The following SYT2 variants were observed in gnomAD, a reference collection of about 807,000 sequenced individuals.
SYT2 encodes synaptotagmin 2, also known as synaptotagmin-2.
Under a neutral mutation model 39.9 loss-of-function variants are expected in SYT2, and 15 were observed. The observed-to-expected ratio is 0.38, with a 90% CI of 0.25 to 0.58. SYT2 has a LOEUF of 0.58. Ranked by LOEUF, SYT2 falls within the 20% of genes least tolerant of loss-of-function variation. The probability of loss-of-function intolerance (pLI) is 0.70; values close to 1 mark genes in which losing one functional copy is unlikely to be tolerated. For missense variants in SYT2, 389 were observed against 530.3 expected, an observed-to-expected ratio of 0.73 and a Z score of 2.62; for synonymous variants, 181 against 204.5, an observed-to-expected ratio of 0.89 and a Z score of 0.98.
chr1:202,639,597 C>T (rs1691844016), intron 1 of SYT2: 1 of 985,472 alleles, frequency 1.0e-6, no homozygotes, highest in Non-Finnish European at 1.2e-6. Flanking sequence ...CATCTCACAG[C>T]CTTTCCTCAT....
At chr1:202,652,910 C>T (rs1692217437) in intron 1 of SYT2, among the ~76,000 whole-genome samples, 1 of 152,174 alleles carries the variant, frequency 6.6e-6, no homozygotes, top group Non-Finnish European at 1.5e-5. Context: ...AGCACAGTGC[C>T]TAGAGCCTGA....
In SYT2 at chr1:202,600,366, C is replaced by T. The variant is rs1412680209; in HGVS notation, c.910G>A (p.Gly304Ser). 3.1e-6 allele frequency: 5 copies of T among 1,614,046 alleles called. No individual in the cohort carries two copies. The highest frequency in any genetic ancestry group is 1.3e-5 in the African/African-American group (1 of 75,046). The change falls in exon 7 of 9, where the codon GGC (glycine) becomes AGC (serine). Residue 304 changes from glycine (G) to serine (S), a missense_variant. Around this residue, in one of 4 missense-constraint regions of SYT2, gnomAD observed 21 missense variants for 47.0 expected, o/e 0.45. Transcript: ENST00000367268. ...AKNLKKMDVGGLSDPYVKIHL... is the reference protein window; with the variant it reads ...AKNLKKMDVGSLSDPYVKIHL... ...GAAGCTCTCCACGTACCTGAAAGGCCGCCCACGTCCATCTTCTTGAGGTTC... is the reference window on the plus strand; with the variant it reads ...GAAGCTCTCCACGTACCTGAAAGGCTGCCCACGTCCATCTTCTTGAGGTTC...
chr1:202,709,273 AG>A (rs1359345801), intron 1 of SYT2, among the ~76,000 whole-genome samples: 2 of 152,210 alleles, frequency 1.3e-5, no homozygotes, highest in African/African-American at 2.4e-5. Flanking sequence ...CACCTCAGCC[AG>A]GGGTAAGGGA....
chr1:202,685,038 C>T (rs1653627352), intron 1 of SYT2, among the ~76,000 whole-genome samples: 1 of 152,128 alleles, frequency 6.6e-6, no homozygotes, highest in South Asian at 2.1e-4. Flanking sequence ...CAGAGGAGGA[C>T]ATGGAAGCCG....
intron 1 of SYT2, among the ~76,000 whole-genome samples, chr1:202,622,213 T>C (rs888312869): frequency 1.3e-5 from 2 of 152,250 alleles, no homozygotes. Flanking sequence ...TATATGTCTT[T>C]ATGTTTTGCA....
At chr1:202,673,607 G>C (rs968839817) in intron 1 of SYT2, among the ~76,000 whole-genome samples, 6 of 152,150 alleles carry the variant, frequency 3.9e-5, no homozygotes, top group Non-Finnish European at 4.4e-5. Flanking sequence ...CATTACCCAG[G>C]GAATGAGGCC....
rs1200488657 is a variant in SYT2, at chr1:202,623,950, C to T, written c.-17-18161G>A. Among the ~76,000 whole-genome samples the T allele has an allele frequency of 6.6e-6, 1 of 152,234 alleles. No homozygotes were observed. ...CTTCCAGCACAGTCCCGATATCTTTCATGCCAGATGCACATCTTCAATTTC... is the reference window on the plus strand; with the variant it reads ...CTTCCAGCACAGTCCCGATATCTTTTATGCCAGATGCACATCTTCAATTTC... On this transcript the variant is annotated intron_variant, in intron 1 of 8. Transcript: ENST00000367268. This position sits in a 1 kb window ranked among gnomAD's most constrained non-coding sequence, Gnocchi z 4.2.
chr1:202,610,796 A>G (rs1690864701), intron 1 of SYT2, among the ~76,000 whole-genome samples: 1 of 152,098 alleles, frequency 6.6e-6, no homozygotes. Flanking sequence ...AAGGAGAACT[A>G]CAAACCACTG....
In SYT2 at chr1:202,604,502, T is replaced by G. The variant is rs1429105789; in HGVS notation, c.298A>C (p.Lys100Gln). 1.2e-6 allele frequency: 2 copies of G among 1,614,244 alleles called. No homozygotes were observed. Among genetic ancestry groups the G allele is most frequent in the East Asian group, 2.2e-5 (1 of 44,884 alleles). The change falls in exon 3 of 9, where the codon AAA (lysine) becomes CAA (glutamine). Residue 100 changes from lysine (K) to glutamine (Q), a missense_variant. Lys to Gln is a moderately conservative substitution (Grantham distance 53). Coordinates refer to ENST00000367268, the MANE Select transcript of SYT2 (RefSeq NM_177402.5). ...KKKKNKKEKG[K>Q]GMKNAMNMKD... ...ATGTTCATGGCATTCTTCATGCCTTTGCCCTTCTCCTTCTTGTTCTTCTTC... is the reference window on the plus strand; with the variant it reads ...ATGTTCATGGCATTCTTCATGCCTTGGCCCTTCTCCTTCTTGTTCTTCTTC...
At chr1:202,602,224 T>C (rs1385250380) in intron 5 of SYT2, among the ~76,000 whole-genome samples, 154 bp downstream of exon 5, 1 of 152,078 alleles carries the variant, frequency 6.6e-6, no homozygotes, top group Non-Finnish European at 1.5e-5. Context: ...GTGGGAGGGA[T>C]CCCGATCCTC....
chr1:202,637,838 A>C (rs1489683461), intron 1 of SYT2, among the ~76,000 whole-genome samples: 1 of 152,204 alleles, frequency 6.6e-6, no homozygotes, highest in African/African-American at 2.4e-5. Context: ...CTGATGATCA[A>C]TTTGGTGGCT....
intron 1 of SYT2, among the ~76,000 whole-genome samples, chr1:202,665,876 G>T (rs140328497): frequency 7.2e-5 from 11 of 152,228 alleles, no homozygotes; most frequent in Admixed American, 4.6e-4. Context: ...CTAACTAGCC[G>T]GGCGCTGTGG....
chr1:202,678,685 T>G (rs770469220), intron 1 of SYT2, among the ~76,000 whole-genome samples: 1 of 152,176 alleles, frequency 6.6e-6, no homozygotes, highest in Admixed American at 6.5e-5. Context: ...CTGCCTCTGA[T>G]AGGATCCTGC....
At chr1:202,696,335 C>G (rs545913524) in intron 1 of SYT2, among the ~76,000 whole-genome samples, 1 of 152,254 alleles carries the variant, frequency 6.6e-6, no homozygotes, top group South Asian at 2.1e-4. Context: ...CATGAAAAGA[C>G]CCAGGATGCC....
intron 1 of SYT2, among the ~76,000 whole-genome samples, chr1:202,687,188 G>A (rs944842385): frequency 4.6e-5 from 7 of 152,028 alleles, no homozygotes; most frequent in African/African-American, 1.5e-4. Context: ...TCTCACAGGC[G>A]CCACTGAGGT....
In SYT2 at chr1:202,596,532, A is replaced by G. The variant is rs980096354; in HGVS notation, c.*225T>C. 1.3e-5 allele frequency: 7 copies of G among 520,238 alleles called. No individual in the cohort carries two copies. In the Admixed American group the frequency reaches 1.4e-4, roughly 11 times the overall value. 32.2% of individuals were successfully genotyped at this position (520,238 alleles called of 1,614,324 possible). Reference sequence around the variant, plus strand: ...GCATGCAGCAAGGACAGCTCCTGGGACCGTGAACAGAGCCAGGCTTCTCTT... The same window carrying G: ...GCATGCAGCAAGGACAGCTCCTGGGGCCGTGAACAGAGCCAGGCTTCTCTT... On this transcript the variant is annotated 3_prime_UTR_variant, in exon 9 of 9. Coordinates refer to ENST00000367268, the MANE Select transcript of SYT2 (RefSeq NM_177402.5).
chr1:202,702,216 C>T (rs1047259207), intron 1 of SYT2, among the ~76,000 whole-genome samples: 1 of 152,218 alleles, frequency 6.6e-6, no homozygotes, highest in Non-Finnish European at 1.5e-5. Flanking sequence ...AAGCCTCAGA[C>T]GTCTGGGGCT....
chr1:202,691,780 AGAGAT>A (rs1653842038), intron 1 of SYT2, among the ~76,000 whole-genome samples: 1 of 128,518 alleles, frequency 7.8e-6, no homozygotes, highest in Non-Finnish European at 1.6e-5. Context: ...AGAGAGAGAG[AGAGAT>A]GGGAGAGGGT....
chr1:202,652,919 G>A (rs1401264529), intron 1 of SYT2, among the ~76,000 whole-genome samples: 2 of 152,120 alleles, frequency 1.3e-5, no homozygotes, highest in African/African-American at 4.8e-5. Context: ...CCTAGAGCCT[G>A]AGTTGGCCTT....
Sources: allele counts gnomAD v4.1 joint callset (sites outside exome capture counted in the v4.1 genomes callset), GRCh38; gene constraint gnomAD v4.1.1; regional missense constraint gnomAD v4.1.1; non-coding constraint Gnocchi (gnomAD v3.1); transcripts MANE v1.5; gene names NCBI Gene and HGNC (gene_info 2026-07-23, HGNC 2026-07-21).